ZBBX: variants seen among roughly 807,000 people sequenced by gnomAD.
ZBBX encodes the protein zinc finger B-box domain-containing protein 1.
ZBBX carries 101 observed loss-of-function variants against 108.5 expected under a neutral mutation model. That is an observed-to-expected ratio of 0.93 (90% CI 0.79 to 1.10). ZBBX has a LOEUF of 1.10. ZBBX is among the 50% of genes least tolerant of loss of function. The probability of loss-of-function intolerance (pLI) is 0.00; values close to 1 mark genes in which losing one functional copy is unlikely to be tolerated. For synonymous variants in ZBBX, 356 were observed against 323.4 expected (o/e 1.10, Z -1.08); for missense variants, 1,009 against 941.4 (o/e 1.07, Z -0.94).
chr3:167,404,557 G>C (rs200528302), intron 1 of ZBBX, among the ~76,000 whole-genome samples: 1 of 140,104 alleles, frequency 7.1e-6, no homozygotes, highest in Non-Finnish European at 1.6e-5. Flanking sequence ...CTTTCTCCAC[G>C]CCCATTCAAG....
chr3:167,190,156 G>T, the ZBBX span, among the ~76,000 whole-genome samples: 1 of 151,860 alleles, frequency 6.6e-6, no homozygotes. Context: ...ATATGTTTTG[G>T]ACATTATATG....
intron 9 of ZBBX, among the ~76,000 whole-genome samples, chr3:167,348,307 A>AG (rs1741910500): frequency 3.0e-5 from 3 of 100,604 alleles, no homozygotes; most frequent in East Asian, 3.7e-4. Flanking sequence ...AGAAAGAGAG[A>AG]AAGAAAGAGA....
chr3:167,315,699 G>A, intron 15 of ZBBX, 51 bp downstream of exon 15: 3 of 1,236,910 alleles, frequency 2.4e-6, no homozygotes, highest in Non-Finnish European at 3.5e-6. Context: ...TTTTGTGTGT[G>A]TGTCAGGAGG....
intron 9 of ZBBX, among the ~76,000 whole-genome samples, chr3:167,339,053 T>C (rs939064061): frequency 6.6e-6 from 1 of 152,172 alleles, no homozygotes; most frequent in African/African-American, 2.4e-5. Context: ...ATTTCTTTGA[T>C]GTGAATTACC....
chr3:167,209,057 G>A, the ZBBX span, among the ~76,000 whole-genome samples: 1 of 152,110 alleles, frequency 6.6e-6, no homozygotes, highest in Non-Finnish European at 1.5e-5. Context: ...GATGGTGGTA[G>A]CTATGGGGAC....
chr3:167,347,194 A>C (rs1350213138), intron 9 of ZBBX, among the ~76,000 whole-genome samples: 2 of 151,972 alleles, frequency 1.3e-5, no homozygotes, highest in East Asian at 1.9e-4. Context: ...CTTTCAAAAA[A>C]CATCTATCTA....
the ZBBX span, among the ~76,000 whole-genome samples, chr3:167,232,195 TAAC>T: frequency 2.0e-5 from 3 of 151,836 alleles, no homozygotes; most frequent in East Asian, 3.9e-4. Flanking sequence ...GTCTTTTACA[TAAC>T]AGTGCAATGA....
chr3:167,282,791 T>C (rs1729043348), intron 19 of ZBBX, among the ~76,000 whole-genome samples: 1 of 152,186 alleles, frequency 6.6e-6, no homozygotes, highest in Admixed American at 6.5e-5. Flanking sequence ...CTAAGTCAAC[T>C]TTGTAGAGAA....
At chr3:167,289,356 T>A (rs1730252155) in intron 18 of ZBBX, among the ~76,000 whole-genome samples, 1 of 152,094 alleles carries the variant, frequency 6.6e-6, no homozygotes, top group South Asian at 2.1e-4. Context: ...CAGCTCCCAG[T>A]GATAATGATG....
the ZBBX span, among the ~76,000 whole-genome samples, chr3:167,186,520 T>C: frequency 6.6e-6 from 1 of 152,192 alleles, no homozygotes; most frequent in Non-Finnish European, 1.5e-5. Context: ...CTTTCTGAGA[T>C]AATGCTTAAC....
the ZBBX span, among the ~76,000 whole-genome samples, chr3:167,230,183 A>G: frequency 2.4e-4 from 37 of 151,864 alleles, no homozygotes; most frequent in African/African-American, 8.0e-4. Context: ...GGCACATGAG[A>G]AATGCTTACA....
intron 9 of ZBBX, among the ~76,000 whole-genome samples, chr3:167,348,875 T>C (rs1169991004): frequency 6.6e-6 from 1 of 152,130 alleles, no homozygotes; most frequent in Non-Finnish European, 1.5e-5. Flanking sequence ...ACATACACTT[T>C]AATAATATTA....
the ZBBX span, among the ~76,000 whole-genome samples, chr3:167,207,537 T>C: frequency 6.6e-6 from 1 of 152,182 alleles, no homozygotes. Flanking sequence ...TTTTAAAATG[T>C]GGTGTATATA....
intron 16 of ZBBX, among the ~76,000 whole-genome samples, chr3:167,313,297 C>T (rs79177270): frequency 0.017 from 2,551 of 152,082 alleles, 74 homozygotes; most frequent in African/African-American, 0.058. Context: ...TTTTTTGAGA[C>T]AGAGTTTTGC....
At chr3:167,200,116 A>T in the ZBBX span, among the ~76,000 whole-genome samples, 1 of 152,108 alleles carries the variant, frequency 6.6e-6, no homozygotes, top group Non-Finnish European at 1.5e-5. Context: ...CAGTTATGAA[A>T]TTTAAGTCCT....
the ZBBX span, among the ~76,000 whole-genome samples, chr3:167,209,331 C>T: frequency 0.71 from 107,645 of 151,792 alleles, 39,573 homozygotes; most frequent in African/African-American, 0.91. Context: ...AGTCCCAGTG[C>T]TGGTGGCCAC....
the ZBBX span, among the ~76,000 whole-genome samples, chr3:167,192,290 G>A: frequency 6.6e-6 from 1 of 152,102 alleles, no homozygotes; most frequent in African/African-American, 2.4e-5. Context: ...GTCGCCTTTA[G>A]CATTTCTTGT....
chr3:167,348,303 AG>A (rs1560162808), intron 9 of ZBBX, among the ~76,000 whole-genome samples: 155 of 77,348 alleles, frequency 2.0e-3, no homozygotes, highest in East Asian at 3.6e-3. Flanking sequence ...AAGAAGAAAG[AG>A]AGAAAGAAAG....
upstream of ZBBX, among the ~76,000 whole-genome samples, chr3:167,381,966 A>G (rs1747755632): frequency 6.6e-6 from 1 of 152,232 alleles, no homozygotes; most frequent in Non-Finnish European, 1.5e-5. Context: ...GGGCCACTAG[A>G]GGAAGAAACA....
Sources: gnomAD v4.1 joint callset for allele counts (sites outside exome capture counted in the v4.1 genomes callset) on GRCh38, gnomAD v4.1.1 for gene constraint, MANE v1.5 for transcripts, NCBI Gene and HGNC (gene_info 2026-07-23, HGNC 2026-07-21) for gene names.